AFG2A: variants seen among roughly 807,000 people sequenced by gnomAD.
AFG2A encodes ATPase family gene 2 protein homolog A.
At chr4:123,119,651 T>C in the AFG2A span, among the ~76,000 whole-genome samples, 1 of 152,202 alleles carries the variant, frequency 6.6e-6, no homozygotes, top group African/African-American at 2.4e-5. Flanking sequence ...CTTACAGAGC[T>C]TTAGACCAGT....
chr4:123,006,938 C>CTTTTTTTTTTTT, the AFG2A span, among the ~76,000 whole-genome samples: 2 of 146,770 alleles, frequency 1.4e-5, no homozygotes, highest in Non-Finnish European at 1.5e-5. Context: ...CTTTTACTCT[C>CTTTTTTTTTTTT]TTTTTTTTTC....
chr4:122,942,580 A>T, the AFG2A span, among the ~76,000 whole-genome samples: 1 of 151,946 alleles, frequency 6.6e-6, no homozygotes, highest in African/African-American at 2.4e-5. Context: ...CTTCCAAAAA[A>T]CCAGCTCCTG....
At chr4:123,002,302 A>G in the AFG2A span, among the ~76,000 whole-genome samples, 1 of 151,992 alleles carries the variant, frequency 6.6e-6, no homozygotes, top group Non-Finnish European at 1.5e-5. Flanking sequence ...TAGTCCATTT[A>G]CATTTAAAGT....
the AFG2A span, among the ~76,000 whole-genome samples, chr4:122,987,361 T>C: frequency 6.6e-6 from 1 of 152,134 alleles, no homozygotes; most frequent in Admixed American, 6.5e-5. Flanking sequence ...ATTTTGAATC[T>C]TGTTGTTTAA....
At chr4:123,227,745 A>T in the AFG2A span, among the ~76,000 whole-genome samples, 1 of 152,162 alleles carries the variant, frequency 6.6e-6, no homozygotes, top group African/African-American at 2.4e-5. Context: ...TTAAGAGCTG[A>T]GTTCAATTCC....
At chr4:123,259,033 A>T in the AFG2A span, among the ~76,000 whole-genome samples, 1 of 151,508 alleles carries the variant, frequency 6.6e-6, no homozygotes, top group South Asian at 2.1e-4. Flanking sequence ...CGCCCAGCTA[A>T]TTTTTGTATT....
the AFG2A span, among the ~76,000 whole-genome samples, chr4:122,968,230 CTTTA>C: frequency 1.3e-5 from 2 of 151,992 alleles, no homozygotes; most frequent in South Asian, 2.1e-4. Context: ...TGTGTTGTTG[CTTTA>C]TTTATAGTTT....
At chr4:123,215,922 T>C in the AFG2A span, among the ~76,000 whole-genome samples, 1 of 152,190 alleles carries the variant, frequency 6.6e-6, no homozygotes, top group Admixed American at 6.5e-5. Flanking sequence ...GTTTTTTACT[T>C]CACTCTTGAA....
chr4:123,110,716 A>G, the AFG2A span, among the ~76,000 whole-genome samples: 1 of 152,182 alleles, frequency 6.6e-6, no homozygotes, highest in African/African-American at 2.4e-5. Flanking sequence ...TGCTTTATGT[A>G]CATAATCTGT....
the AFG2A span, among the ~76,000 whole-genome samples, chr4:123,139,093 C>A: frequency 6.6e-6 from 1 of 151,948 alleles, no homozygotes; most frequent in East Asian, 1.9e-4. Flanking sequence ...TATATTATAG[C>A]TTTTCTTGAA....
chr4:123,118,757 A>G, the AFG2A span, among the ~76,000 whole-genome samples: 1 of 152,110 alleles, frequency 6.6e-6, no homozygotes, highest in African/African-American at 2.4e-5. Context: ...TACTTTCACC[A>G]GTAATTTTGA....
At chr4:123,272,608 C>T in the AFG2A span, among the ~76,000 whole-genome samples, 6 of 152,108 alleles carry the variant, frequency 3.9e-5, no homozygotes, top group African/African-American at 1.4e-4. Context: ...CCTGCAGAAG[C>T]TTATAAAAGC....
the AFG2A span, among the ~76,000 whole-genome samples, chr4:123,068,902 A>G: frequency 6.6e-6 from 1 of 152,180 alleles, no homozygotes; most frequent in Non-Finnish European, 1.5e-5. Flanking sequence ...TCCTGCATTA[A>G]TGTTTATAGA....
chr4:123,185,033 G>A, the AFG2A span, among the ~76,000 whole-genome samples: 54 of 152,254 alleles, frequency 3.5e-4, no homozygotes, highest in Middle Eastern at 3.4e-3. Flanking sequence ...CTCAGGTCTC[G>A]TAACTGCCTG....
chr4:123,255,301 G>A, the AFG2A span, among the ~76,000 whole-genome samples: 2 of 151,522 alleles, frequency 1.3e-5, 1 homozygote, highest in Non-Finnish European at 2.9e-5. Context: ...CAGGCAGATC[G>A]AACGCCTGAG....
the AFG2A span, among the ~76,000 whole-genome samples, chr4:123,259,389 A>C: frequency 1.3e-5 from 2 of 152,132 alleles, no homozygotes; most frequent in African/African-American, 4.8e-5. Context: ...TCTCAAGAGG[A>C]AGTCTGTCAC....
chr4:123,108,658 CT>C, the AFG2A span, among the ~76,000 whole-genome samples: 554 of 147,880 alleles, frequency 3.7e-3, 4 homozygotes, highest in Non-Finnish European at 5.2e-3. Flanking sequence ...GATTCCGGAA[CT>C]TTTTTTTTTG....
At chr4:123,045,589 GAC>G in the AFG2A span, among the ~76,000 whole-genome samples, 3 of 152,132 alleles carry the variant, frequency 2.0e-5, no homozygotes, top group Non-Finnish European at 4.4e-5. Context: ...AGATTTGCAT[GAC>G]ATTCCCTCAT....
chr4:123,250,460 A>C, the AFG2A span, among the ~76,000 whole-genome samples: 1 of 152,202 alleles, frequency 6.6e-6, no homozygotes, highest in Admixed American at 6.5e-5. Context: ...TTAAAAGGTC[A>C]TCCAATACGA....
Sources: gnomAD v4.1 joint callset for allele counts (sites outside exome capture counted in the v4.1 genomes callset) on GRCh38, gnomAD v4.1.1 for gene constraint, MANE v1.5 for transcripts, NCBI Gene and HGNC (gene_info 2026-07-23, HGNC 2026-07-21) for gene names.